The following HS6ST3 variants were observed in gnomAD, a reference collection of about 807,000 sequenced individuals.
The protein encoded by HS6ST3 is heparan-sulfate 6-O-sulfotransferase 3.
In HS6ST3, 12 loss-of-function variants were observed where a neutral mutation model predicts 36.7. The ratio of observed to expected loss-of-function variants is 0.33; its 90% CI spans 0.21 to 0.53. The LOEUF (loss-of-function observed/expected upper bound fraction) is 0.53. Among genes scored for constraint, HS6ST3 ranks in the 20% least tolerant of loss-of-function variants. HS6ST3 has a pLI of 0.95. For synonymous variants in HS6ST3, 240 were observed against 257.5 expected (o/e 0.93, Z 0.65); for missense variants, 584 against 640.9 (o/e 0.91, Z 0.96).
chr13:96,790,921 T>G (rs1464270994), intron 1 of HS6ST3, among the ~76,000 whole-genome samples: 1 of 152,068 alleles, frequency 6.6e-6, no homozygotes, highest in Non-Finnish European at 1.5e-5. Context: ...ATGTACCACC[T>G]CCTATATGTG....
chr13:96,800,682 C>A (rs74927925), intron 1 of HS6ST3, among the ~76,000 whole-genome samples: 5,928 of 152,056 alleles, frequency 0.039, 381 homozygotes, highest in African/African-American at 0.13. Context: ...ACCCTCCTTA[C>A]TGGTTATCTT....
chr13:96,453,876 T>A (rs1295979249), intron 1 of HS6ST3, among the ~76,000 whole-genome samples: 1 of 152,204 alleles, frequency 6.6e-6, no homozygotes, highest in Non-Finnish European at 1.5e-5. Flanking sequence ...GAGTCAAGTT[T>A]GATCAAAACA....
chr13:96,569,739 CA>C (rs1224389026), intron 1 of HS6ST3, among the ~76,000 whole-genome samples: 1 of 152,020 alleles, frequency 6.6e-6, no homozygotes, highest in Non-Finnish European at 1.5e-5. Flanking sequence ...AAATAAAGAC[CA>C]ATTTGTCTAG....
chr13:96,521,739 T>C (rs939055443), intron 1 of HS6ST3, among the ~76,000 whole-genome samples: 2 of 152,186 alleles, frequency 1.3e-5, no homozygotes, highest in Non-Finnish European at 2.9e-5. Context: ...GATTCTTCTC[T>C]CTTTTCTTCT....
At chr13:96,364,204 C>T (rs934153872) in intron 1 of HS6ST3, among the ~76,000 whole-genome samples, 1 of 152,006 alleles carries the variant, frequency 6.6e-6, no homozygotes, top group Non-Finnish European at 1.5e-5. Context: ...GGTGCAACCA[C>T]CATGGAAAAC....
intron 1 of HS6ST3, among the ~76,000 whole-genome samples, chr13:96,635,395 A>G (rs555857028): frequency 1.3e-5 from 2 of 151,926 alleles, no homozygotes; most frequent in East Asian, 2.0e-4. Flanking sequence ...CTGCTATTCC[A>G]TGCCCTTCTG....
intron 1 of HS6ST3, among the ~76,000 whole-genome samples, chr13:96,591,974 A>G (rs902328965): frequency 6.6e-6 from 1 of 151,944 alleles, no homozygotes; most frequent in African/African-American, 2.4e-5. Context: ...TTTGTACTTC[A>G]TTTTGTTGGT....
intron 1 of HS6ST3, among the ~76,000 whole-genome samples, chr13:96,383,162 G>A (rs1335212640): frequency 6.6e-6 from 1 of 151,494 alleles, no homozygotes; most frequent in African/African-American, 2.4e-5. Flanking sequence ...AGGTAAAAGT[G>A]GGAGAGAGGC....
chr13:96,195,531 G>A (rs960373589), intron 1 of HS6ST3, among the ~76,000 whole-genome samples: 9 of 152,138 alleles, frequency 5.9e-5, no homozygotes, highest in African/African-American at 7.2e-5. Context: ...CAACCTCGTC[G>A]TGAATAACTG....
intron 1 of HS6ST3, among the ~76,000 whole-genome samples, chr13:96,663,925 A>C (rs2056654988): frequency 6.6e-6 from 1 of 152,164 alleles, no homozygotes; most frequent in Admixed American, 6.5e-5. Context: ...GATATCCATA[A>C]AAGGCATATT....
At chr13:96,699,672 G>A (rs551524) in intron 1 of HS6ST3, among the ~76,000 whole-genome samples, 151,314 of 151,666 alleles carry the variant, frequency 1, 75,481 homozygotes, top group South Asian at 1. Flanking sequence ...AACCATTGTG[G>A]AAGTCAGTGT....
At chr13:96,522,231 CTCT>C (rs1302217578) in intron 1 of HS6ST3, among the ~76,000 whole-genome samples, 1 of 152,138 alleles carries the variant, frequency 6.6e-6, no homozygotes, top group African/African-American at 2.4e-5. Flanking sequence ...GTTGTGATTT[CTCT>C]TCTTTTACAT....
chr13:96,729,625 A>AT (rs1191316048), intron 1 of HS6ST3, among the ~76,000 whole-genome samples: 23 of 137,618 alleles, frequency 1.7e-4, no homozygotes, highest in African/African-American at 5.3e-4. Context: ...CCCAGCTAAT[A>AT]TTTTTTGTAT....
At chr13:96,637,408 A>T (rs2056553704) in intron 1 of HS6ST3, among the ~76,000 whole-genome samples, 1 of 152,156 alleles carries the variant, frequency 6.6e-6, no homozygotes, top group South Asian at 2.1e-4. Flanking sequence ...TGGTTTAGAC[A>T]TTAATTTTGA....
At chr13:96,686,752 T>C (rs201619905) in intron 1 of HS6ST3, among the ~76,000 whole-genome samples, 1 of 152,070 alleles carries the variant, frequency 6.6e-6, no homozygotes, top group East Asian at 1.9e-4. Context: ...ACATTCTCGC[T>C]GTGGGGCTTC....
At chr13:96,793,529 A>G (rs954812250) in intron 1 of HS6ST3, among the ~76,000 whole-genome samples, 2 of 152,078 alleles carry the variant, frequency 1.3e-5, no homozygotes, top group Admixed American at 1.3e-4. Flanking sequence ...TGTGAAATAC[A>G]AAACAGCCCA....
intron 1 of HS6ST3, among the ~76,000 whole-genome samples, chr13:96,810,877 T>A (rs1878303584): frequency 6.6e-6 from 1 of 152,222 alleles, no homozygotes; most frequent in African/African-American, 2.4e-5. Context: ...TTTCTTTTAC[T>A]TGTGTTAGTC....
chr13:96,824,473 G>A (rs1878608247), intron 1 of HS6ST3, among the ~76,000 whole-genome samples: 1 of 152,168 alleles, frequency 6.6e-6, no homozygotes, highest in Admixed American at 6.5e-5. Flanking sequence ...CTCAAGACTT[G>A]AATCAAAGGC....
At chr13:96,639,260 C>T (rs1350730159) in intron 1 of HS6ST3, among the ~76,000 whole-genome samples, 1 of 151,954 alleles carries the variant, frequency 6.6e-6, no homozygotes, top group Non-Finnish European at 1.5e-5. Context: ...ATAAATTGGA[C>T]ACTTTTATCA....
Sources: allele counts gnomAD v4.1 joint callset (sites outside exome capture counted in the v4.1 genomes callset), GRCh38; gene constraint gnomAD v4.1.1; transcripts MANE v1.5; gene names NCBI Gene and HGNC (gene_info 2026-07-23, HGNC 2026-07-21).